Variants in GULP1 observed in about 807,000 individuals in gnomAD.
GULP1 encodes GULP PTB domain containing engulfment adaptor 1, also known as PTB domain-containing engulfment adapter protein 1.
In GULP1, 19 loss-of-function variants were observed where a neutral mutation model predicts 40.9. That is an observed-to-expected ratio of 0.46 (90% CI 0.32 to 0.68). The LOEUF is 0.68. Among genes scored for constraint, GULP1 ranks in the 30% least tolerant of loss-of-function variants. GULP1 has a pLI of 0.03. For synonymous variants in GULP1, 119 were observed against 117.6 expected (o/e 1.01, Z -0.08); for missense variants, 312 against 362.2 (o/e 0.86, Z 1.12).
intron 5 of GULP1, 99 bp downstream of exon 5, chr2:188,522,926 T>C: frequency 1.4e-6 from 1 of 726,942 alleles, no homozygotes; most frequent in Admixed American, 1.9e-5. Flanking sequence ...GCTGCAGGTA[T>C]AGCTTCACCC....
chr2:188,454,283 G>T (rs1242354454), intron 2 of GULP1, among the ~76,000 whole-genome samples: 2 of 152,178 alleles, frequency 1.3e-5, no homozygotes, highest in African/African-American at 4.8e-5. Flanking sequence ...GCAGTCTGGT[G>T]GTTTCTCCCC....
chr2:188,297,349 T>C (rs999621597), intron 1 of GULP1: 9 of 379,882 alleles, frequency 2.4e-5, no homozygotes, highest in Non-Finnish European at 4.7e-5. Flanking sequence ...TGTAAGAAGG[T>C]AAATTCACTA....
chr2:188,355,352 C>T (rs2045141589), intron 1 of GULP1, among the ~76,000 whole-genome samples: 1 of 151,914 alleles, frequency 6.6e-6, no homozygotes, highest in Non-Finnish European at 1.5e-5. Context: ...GGACACATTA[C>T]AACTGATATC....
chr2:188,417,339 A>G (rs990985792), intron 2 of GULP1, among the ~76,000 whole-genome samples: 3 of 152,150 alleles, frequency 2.0e-5, no homozygotes, highest in African/African-American at 7.2e-5. Context: ...GCATTACCCC[A>G]AAGTTTCTTT....
chr2:188,342,181 C>T (rs949710996), intron 1 of GULP1, among the ~76,000 whole-genome samples: 3 of 152,166 alleles, frequency 2.0e-5, no homozygotes, highest in African/African-American at 7.2e-5. Flanking sequence ...GACATTTATT[C>T]TCTCACAGTT....
intron 1 of GULP1, among the ~76,000 whole-genome samples, chr2:188,336,653 C>T (rs536248436): frequency 6.6e-6 from 1 of 152,290 alleles, no homozygotes; most frequent in Non-Finnish European, 1.5e-5. Flanking sequence ...GGAAAGTCTT[C>T]ACTGAAGAAA....
chr2:188,491,969 T>G (rs2062434163), intron 4 of GULP1, among the ~76,000 whole-genome samples: 1 of 152,092 alleles, frequency 6.6e-6, no homozygotes, highest in Non-Finnish European at 1.5e-5. Flanking sequence ...TTTTTTTTCC[T>G]TTTTGCTAGA....
chr2:188,580,043 T>C (rs1051593827), intron 9 of GULP1, among the ~76,000 whole-genome samples: 6 of 152,182 alleles, frequency 3.9e-5, no homozygotes, highest in Non-Finnish European at 8.8e-5. Context: ...GATGCTCTGG[T>C]ATAAATTAGA....
chr2:188,407,554 A>T (rs919657772), intron 2 of GULP1, among the ~76,000 whole-genome samples: 2 of 152,210 alleles, frequency 1.3e-5, no homozygotes, highest in Non-Finnish European at 2.9e-5. Context: ...TGTAGTCAAA[A>T]TTAATTTTAT....
intron 2 of GULP1, among the ~76,000 whole-genome samples, chr2:188,473,545 A>G (rs1464265697): frequency 6.6e-6 from 1 of 151,974 alleles, no homozygotes; most frequent in African/African-American, 2.4e-5. Flanking sequence ...GCCTCACCCC[A>G]TGGCAACTGT....
At chr2:188,510,640 T>G (rs2064417206) in intron 4 of GULP1, among the ~76,000 whole-genome samples, 1 of 152,054 alleles carries the variant, frequency 6.6e-6, no homozygotes, top group Non-Finnish European at 1.5e-5. Flanking sequence ...AAACACTTAC[T>G]TAAAAGACCC....
intron 11 of GULP1, 73 bp from the exon 12 acceptor site, chr2:188,593,867 T>G (rs1424776858): frequency 1.2e-6 from 1 of 828,468 alleles, no homozygotes; most frequent in African/African-American, 1.7e-5. Flanking sequence ...CTTTAGTGCA[T>G]AGTCTTTTTT....
intron 6 of GULP1, among the ~76,000 whole-genome samples, chr2:188,532,560 T>C (rs753527197): frequency 6.6e-5 from 10 of 152,088 alleles, no homozygotes; most frequent in Non-Finnish European, 1.3e-4. Flanking sequence ...CATTGCAACC[T>C]TTTCTATTAT....
At chr2:188,293,581 C>T (rs2034270299) in intron 1 of GULP1, among the ~76,000 whole-genome samples, 1 of 151,158 alleles carries the variant, frequency 6.6e-6, no homozygotes, top group African/African-American at 2.4e-5. Flanking sequence ...CAAATTGCTC[C>T]CTTTCTCTGC....
At chr2:188,440,804 T>C (rs1204067064) in intron 2 of GULP1, among the ~76,000 whole-genome samples, 1 of 152,224 alleles carries the variant, frequency 6.6e-6, no homozygotes, top group Non-Finnish European at 1.5e-5. Context: ...AATACTTTAC[T>C]ATGTGGAATA....
intron 1 of GULP1, among the ~76,000 whole-genome samples, chr2:188,357,616 A>G (rs1179995439): frequency 6.6e-6 from 1 of 152,172 alleles, no homozygotes; most frequent in Non-Finnish European, 1.5e-5. Flanking sequence ...AAATTAGCAC[A>G]GCTATTACAG....
chr2:188,318,826 T>C (rs896536681), intron 1 of GULP1, among the ~76,000 whole-genome samples: 3 of 152,162 alleles, frequency 2.0e-5, no homozygotes, highest in Non-Finnish European at 4.4e-5. Context: ...GCGCTTCCTA[T>C]GGGGTAGCTG....
At chr2:188,453,716 G>A (rs942079906) in intron 2 of GULP1, among the ~76,000 whole-genome samples, 1 of 152,182 alleles carries the variant, frequency 6.6e-6, no homozygotes, top group Admixed American at 6.5e-5. Flanking sequence ...CAAAAGAAAG[G>A]ATTGCCCTTA....
intron 2 of GULP1, among the ~76,000 whole-genome samples, chr2:188,400,273 T>A (rs1031644771): frequency 6.6e-6 from 1 of 152,192 alleles, no homozygotes; most frequent in Non-Finnish European, 1.5e-5. Flanking sequence ...TATAAACATA[T>A]CAGTCATTGT....
Sources: gnomAD v4.1 joint callset for allele counts (sites outside exome capture counted in the v4.1 genomes callset) on GRCh38, gnomAD v4.1.1 for gene constraint, MANE v1.5 for transcripts, NCBI Gene and HGNC (gene_info 2026-07-23, HGNC 2026-07-21) for gene names.